OSBPL11: variants seen among roughly 807,000 people sequenced by gnomAD.
OSBPL11 encodes oxysterol-binding protein-related protein 11.
A neutral mutation model predicts 84.4 loss-of-function variants in OSBPL11; 33 were observed. The observed-to-expected ratio is 0.39, with a 90% CI of 0.30 to 0.52. The LOEUF is 0.52. Among genes scored for constraint, OSBPL11 ranks in the 20% least tolerant of loss-of-function variants. The probability of loss-of-function intolerance (pLI) is 0.72; values close to 1 mark genes in which losing one functional copy is unlikely to be tolerated. For synonymous variants in OSBPL11, 276 were observed against 310.2 expected (o/e 0.89, Z 1.16); for missense variants, 736 against 901.1 (o/e 0.82, Z 2.35).
chr3:125,594,866 CTTT>C lies in OSBPL11; in HGVS notation c.-69_-67del. The C allele has an allele frequency of 8.2e-7, 1 of 1,223,242 alleles. No individual in the cohort carries two copies. The highest frequency in any genetic ancestry group is 1.1e-6 in the Non-Finnish European group (1 of 905,662). 75.8% of individuals were successfully genotyped at this position (1,223,242 alleles called of 1,614,324 possible). ...AACAATTCTGTAGTTCTGTAGGTGA[CTTT>C]TTTTTTTTAAGATTTGATCTGAATA... On this transcript the variant is annotated 5_prime_UTR_variant, in exon 1 of 13. Coordinates refer to ENST00000296220, the MANE Select transcript of OSBPL11 (RefSeq NM_022776.5).
At chr3:125,590,638 T>C (rs1203792587) in intron 1 of OSBPL11, among the ~76,000 whole-genome samples, 3 of 152,210 alleles carry the variant, frequency 2.0e-5, no homozygotes, top group Admixed American at 6.5e-5. Flanking sequence ...CTGATTATTT[T>C]GATGATCCTC....
At chr3:125,589,252 G>A (rs1411876619) in intron 1 of OSBPL11, among the ~76,000 whole-genome samples, 1 of 147,678 alleles carries the variant, frequency 6.8e-6, no homozygotes, top group Non-Finnish European at 1.5e-5. Flanking sequence ...TGAGGCACAA[G>A]AATCGCTTGA....
intron 4 of OSBPL11, among the ~76,000 whole-genome samples, chr3:125,578,728 G>A (rs1012897267): frequency 7.9e-5 from 12 of 151,428 alleles, no homozygotes; most frequent in African/African-American, 2.2e-4. Context: ...ACAAGATTGC[G>A]CCACTGCACT....
At chr3:125,545,248 A>C (rs541790725) in intron 10 of OSBPL11, among the ~76,000 whole-genome samples, 105 of 152,372 alleles carry the variant, frequency 6.9e-4, no homozygotes, top group African/African-American at 2.3e-3. Flanking sequence ...ATTTAGTGCC[A>C]GGAAAACAGT....
chr3:125,591,548 T>C (rs984359722), intron 1 of OSBPL11, among the ~76,000 whole-genome samples: 1 of 152,168 alleles, frequency 6.6e-6, no homozygotes, highest in Non-Finnish European at 1.5e-5. Context: ...TTTTGTCCAA[T>C]GGGCCAAAAG....
chr3:125,555,943 A>C (rs1172099745), intron 8 of OSBPL11, among the ~76,000 whole-genome samples: 1 of 152,192 alleles, frequency 6.6e-6, no homozygotes, highest in Non-Finnish European at 1.5e-5. Flanking sequence ...TTGGCCTCCC[A>C]AAGTGCTGGG....
chr3:125,565,501 G>A (rs13058758), intron 6 of OSBPL11, among the ~76,000 whole-genome samples: 10,316 of 152,078 alleles, frequency 0.068, 468 homozygotes, highest in Non-Finnish European at 0.098. Flanking sequence ...CATTTTTGAT[G>A]TAAAGTGAAA....
In OSBPL11 at chr3:125,567,498, A is replaced by G; in HGVS notation, c.764T>C (p.Leu255Ser). The G allele has an allele frequency of 1.9e-6, 3 of 1,614,036 alleles. No homozygotes were observed. Among genetic ancestry groups the G allele is most frequent in the Non-Finnish European group, 2.5e-6 (3 of 1,179,898 alleles). ...GHLSSLDQDL[L>S]MLKATSMATM... The stretch of plus-strand genomic sequence containing the variant: ...TGCCATGGAAGTAGCTTTGAGCATT[A>G]AGAGATCCTGGTCCAAGGAACTAAG... Residue 255 changes from leucine to serine, a missense_variant, in exon 6 of 13, where the codon TTA (leucine) becomes TCA (serine). By Grantham distance (145) the Leu-to-Ser change is moderately radical. This residue lies in a region of OSBPL11 where 579 missense variants were observed against 717.6 expected (regional missense o/e 0.81). Coordinates refer to ENST00000296220, the MANE Select transcript of OSBPL11 (RefSeq NM_022776.5).
chr3:125,581,156 C>A, intron 2 of OSBPL11, among the ~76,000 whole-genome samples: 1 of 151,476 alleles, frequency 6.6e-6, no homozygotes. Flanking sequence ...GCAGTGGCAC[C>A]ACCTTGACTC....
At chr3:125,561,891 A>C (rs574434012) in intron 7 of OSBPL11, among the ~76,000 whole-genome samples, 1 of 152,348 alleles carries the variant, frequency 6.6e-6, no homozygotes, top group South Asian at 2.1e-4. Flanking sequence ...TCCCTACCTT[A>C]CCGATGAGGA....
rs35267505 is a variant in OSBPL11, at chr3:125,589,342, C to CAAAAAAA, written c.164+5288_164+5294dup. Among the ~76,000 whole-genome samples the CAAAAAAA allele has an allele frequency of 4.8e-4, 30 of 61,888 alleles. 1 individual carries two copies. The highest frequency in any genetic ancestry group is 1.2e-3 in the African/African-American group (22 of 18,680). 40.6% of individuals were successfully genotyped at this position (61,888 alleles called of 152,430 possible). On this transcript the variant is annotated intron_variant, in intron 1 of 12. Coordinates refer to ENST00000296220, the MANE Select transcript of OSBPL11 (RefSeq NM_022776.5). Reference sequence around the variant, plus strand: ...GGGCAACAAGAGTGAAACTCCATCTCAAAAAAAAAAAAAAAAAACAAAACA... The same window carrying CAAAAAAA: ...GGGCAACAAGAGTGAAACTCCATCTCAAAAAAAAAAAAAAAAAAAAAAAAACAAAACA...
chr3:125,589,360 A>AAC (rs1296582711), intron 1 of OSBPL11, among the ~76,000 whole-genome samples: 4 of 151,044 alleles, frequency 2.6e-5, no homozygotes, highest in African/African-American at 9.7e-5. Context: ...AAAAAAAAAA[A>AAC]CAAAACAGAA....
intron 12 of OSBPL11, among the ~76,000 whole-genome samples, chr3:125,531,166 A>T (rs1287546085): frequency 6.6e-6 from 1 of 150,456 alleles, no homozygotes; most frequent in Admixed American, 6.6e-5. Context: ...TTTAGTAGAG[A>T]TGGGGGTTTC....
At chr3:125,566,395 C>G (rs1466220990) in intron 6 of OSBPL11, among the ~76,000 whole-genome samples, 1 of 152,104 alleles carries the variant, frequency 6.6e-6, no homozygotes, top group East Asian at 1.9e-4. Context: ...ACTGATTGGC[C>G]TTTCTCAATA....
chr3:125,567,725 G>A (rs1384118431), intron 5 of OSBPL11, 130 bp from the exon 6 acceptor site: 1 of 714,580 alleles, frequency 1.4e-6, no homozygotes, highest in African/African-American at 1.8e-5. Context: ...AGGCATGGTG[G>A]CTCACACCTA....
chr3:125,584,381 T>TA (rs549142890), intron 1 of OSBPL11, among the ~76,000 whole-genome samples: 51 of 151,954 alleles, frequency 3.4e-4, no homozygotes, highest in African/African-American at 1.1e-3. Flanking sequence ...AAAACAAAAA[T>TA]AAAAAAACAG....
intron 1 of OSBPL11, among the ~76,000 whole-genome samples, chr3:125,593,635 A>AG (rs1192130336): frequency 6.6e-6 from 1 of 151,866 alleles, no homozygotes; most frequent in Non-Finnish European, 1.5e-5. Context: ...AAAAAAAAAA[A>AG]TTATAATCTT....
intron 1 of OSBPL11, among the ~76,000 whole-genome samples, chr3:125,583,525 G>A (rs1399099699): frequency 7.4e-6 from 1 of 135,730 alleles, no homozygotes; most frequent in Non-Finnish European, 1.5e-5. Flanking sequence ...AGGCTGCAAT[G>A]AGCTGAGATC....
chr3:125,567,857 G>A (rs887194643), intron 5 of OSBPL11, among the ~76,000 whole-genome samples: 9 of 151,900 alleles, frequency 5.9e-5, no homozygotes, highest in African/African-American at 2.2e-4. Flanking sequence ...AGTCAGGCCT[G>A]GTGGCACATG....
Sources: allele counts gnomAD v4.1 joint callset (sites outside exome capture counted in the v4.1 genomes callset), GRCh38; gene constraint gnomAD v4.1.1; regional missense constraint gnomAD v4.1.1; transcripts MANE v1.5; gene names NCBI Gene and HGNC (gene_info 2026-07-23, HGNC 2026-07-21).